Variants in DST observed in about 807,000 individuals in gnomAD.
DST encodes bullous pemphigoid antigen.
A neutral mutation model predicts 875.2 loss-of-function variants in DST; 253 were observed. The ratio of observed to expected loss-of-function variants is 0.29; its 90% CI spans 0.26 to 0.32. The LOEUF (loss-of-function observed/expected upper bound fraction) is 0.32, where lower values mean the gene tolerates loss of function less well. Among genes scored for constraint, DST ranks in the 10% least tolerant of loss-of-function variants. The pLI, the probability that DST is intolerant of heterozygous loss-of-function variation, is 1.00. For synonymous variants in DST, 3,124 were observed against 3,197.1 expected (o/e 0.98, Z 0.77); for missense variants, 8,287 against 9,111.6 (o/e 0.91, Z 3.68).
chr6:56,548,680 A>G (rs926603429), intron 61 of DST, among the ~76,000 whole-genome samples: 5 of 152,196 alleles, frequency 3.3e-5, no homozygotes, highest in African/African-American at 1.2e-4. Flanking sequence ...CATTCCACCA[A>G]TTTATAACAG....
At chr6:56,880,159 T>C (rs544331596) in intron 3 of DST, among the ~76,000 whole-genome samples, 2 of 152,336 alleles carry the variant, frequency 1.3e-5, no homozygotes, top group African/African-American at 4.8e-5. Context: ...CTTCTCACCT[T>C]ACAATTTTCT....
Position 56,608,611 on chromosome 6 carries a change from G to A in DST, c.6017C>T (p.Thr2006Ile), listed in dbSNP as rs781006495. 1.7e-5 allele frequency: 28 copies of A among 1,613,286 alleles called. No individual in the cohort carries two copies. In the South Asian group the frequency reaches 3.0e-4, roughly 17 times the overall value. Reference protein sequence around the residue: ...LINSNSGQRMTVEEAVREGVI... With the variant: ...LINSNSGQRMIVEEAVREGVI... ...CCCTTCTCTGACAGCTTCTTCAACA[G>A]TCATTCTTTGGCCAGAGTTGGAATT... The change falls in exon 40 of 104, where the codon ACT (threonine) becomes ATT (isoleucine). Residue 2006 changes from threonine to isoleucine, a missense_variant. Physicochemically the swap from Thr to Ile is moderately conservative, Grantham distance 89 (BLOSUM62 -1). Transcript: ENST00000680361.
At chr6:56,611,137 T>A (rs1164610006) in intron 38 of DST, among the ~76,000 whole-genome samples, 3 of 152,040 alleles carry the variant, frequency 2.0e-5, no homozygotes, top group African/African-American at 7.2e-5. Flanking sequence ...CTGCCATAGG[T>A]CTCAGCTAAG....
chr6:56,622,594 A>C (rs2098700814), intron 36 of DST, among the ~76,000 whole-genome samples: 1 of 150,700 alleles, frequency 6.6e-6, no homozygotes, highest in Middle Eastern at 3.2e-3. Flanking sequence ...AAAAAAAAAA[A>C]AATCATGTTG....
chr6:56,888,577 A>T (rs964797999), intron 3 of DST, among the ~76,000 whole-genome samples: 10 of 152,202 alleles, frequency 6.6e-5, no homozygotes, highest in Non-Finnish European at 1.3e-4. Context: ...TGAAAAGGAA[A>T]GGGAAAAGGA....
At chr6:56,670,928 A>G in intron 9 of DST, 121 bp from the exon 10 acceptor site, 1 of 553,972 alleles carries the variant, frequency 1.8e-6, no homozygotes, top group Non-Finnish European at 3.0e-6. Flanking sequence ...TTCCCGCTTC[A>G]TGAGATTGTT....
intron 4 of DST, among the ~76,000 whole-genome samples, chr6:56,822,268 G>C (rs1411276979): frequency 6.6e-6 from 1 of 152,138 alleles, no homozygotes; most frequent in Non-Finnish European, 1.5e-5. Context: ...TGAGAAAAGA[G>C]AAATAGACAA....
At chr6:56,810,303 C>A (rs997785000) in intron 4 of DST, among the ~76,000 whole-genome samples, 3 of 151,992 alleles carry the variant, frequency 2.0e-5, no homozygotes, top group Admixed American at 6.6e-5. Context: ...GAGCAAGACT[C>A]CCATCTCTTA....
At chr6:56,510,522 G>A (rs1179227541) in intron 73 of DST, among the ~76,000 whole-genome samples, 1 of 152,046 alleles carries the variant, frequency 6.6e-6, no homozygotes. Flanking sequence ...AGACACATGA[G>A]AGAATGTAAA....
At position 56,635,639 on chromosome 6, in the gene DST, C is replaced by T. The variant is rs1252022646; in HGVS notation, c.3136G>A (p.Asp1046Asn). Residue 1046 changes from aspartate to asparagine, a missense_variant, in exon 24 of 104, where the codon GAT (aspartate) becomes AAT (asparagine). By Grantham distance (23) the Asp-to-Asn change is conservative. This residue lies in a region of DST where 1,160 missense variants were observed against 1,424.3 expected (regional missense o/e 0.81). Transcript: ENST00000680361. ...AGCTTGTGAATGCTGCTTGATCTAT[C>T]ACAGCTGTACTTCCGCTGAATGGCA... The part of the protein sequence containing the change: ...KDAIQRKYSC[D>N]RSSSIHKLED... 1.9e-6 allele frequency: 3 copies of T among 1,613,772 alleles called. No individual in the cohort carries two copies. The African/African-American group carries it at 4.0e-5, about 22-fold the overall frequency.
intron 36 of DST, chr6:56,617,435 T>A: frequency 4.4e-6 from 7 of 1,593,772 alleles, no homozygotes; most frequent in Non-Finnish European, 5.2e-6. Context: ...CAGGAATTTA[T>A]AAAATGTTAA....
At chr6:56,715,310 TA>T (rs1190580226) in intron 5 of DST, among the ~76,000 whole-genome samples, 2 of 152,204 alleles carry the variant, frequency 1.3e-5, no homozygotes, top group Admixed American at 1.3e-4. Flanking sequence ...TGGAGTTAAG[TA>T]AATTGCTTCT....
chr6:56,510,006 C>T, intron 73 of DST, 133 bp from the exon 74 acceptor site: 1 of 731,016 alleles, frequency 1.4e-6, no homozygotes, highest in Non-Finnish European at 2.1e-6. Flanking sequence ...ATCAACAGAC[C>T]CATTCAAAAG....
intron 4 of DST, among the ~76,000 whole-genome samples, chr6:56,845,067 C>T (rs2099805706): frequency 6.6e-6 from 1 of 152,158 alleles, no homozygotes; most frequent in South Asian, 2.1e-4. Flanking sequence ...TTAGCTGCTG[C>T]ACCTACTACT....
chr6:56,494,280 ATC>A (rs1479812315), intron 82 of DST, 100 bp from the exon 83 acceptor site: 2 of 1,143,540 alleles, frequency 1.7e-6, no homozygotes, highest in Non-Finnish European at 2.4e-6. Context: ...TCATATATTC[ATC>A]TCTGTTTGCT....
Position 56,611,384 on chromosome 6 carries a change from T to TAAGTA in DST, c.5147+123_5147+124insTACTT, listed in dbSNP as rs10643818. 269,598 of 676,122 alleles carry TAAGTA rather than the reference T, an allele frequency of 0.4. 55,975 individuals are homozygous for TAAGTA. Among genetic ancestry groups the TAAGTA allele is most frequent in the African/African-American group, 0.54 (29,412 of 54,384 alleles). The allele number at this position is 676,122 out of a possible 1,614,324, so 41.9% of individuals were successfully genotyped here. A position where few individuals can be genotyped will look rare whatever the true frequency, so the allele number is the denominator to read the frequency against. ...GTTGATACTCTTTACATTACTATAT[T>TAAGTA]AATTGTGATTAGTTTGAGTCCCATA... On this transcript the variant is annotated intron_variant, in intron 38 of 103. Coordinates refer to ENST00000680361, the MANE Select transcript of DST (RefSeq NM_001374736.1).
intron 24 of DST, 66 bp from the exon 25 acceptor site, chr6:56,635,019 T>C (rs780334996): frequency 2.1e-5 from 28 of 1,338,830 alleles, no homozygotes; most frequent in Non-Finnish European, 2.8e-5. Flanking sequence ...TTCAGCACTT[T>C]ACACAAATTA....
chr6:56,496,474 G>GTT (rs200493794), intron 82 of DST, among the ~76,000 whole-genome samples: 4 of 146,180 alleles, frequency 2.7e-5, no homozygotes, highest in African/African-American at 7.5e-5. Context: ...AAACAAGGAA[G>GTT]TTTTTTTTTT....
At chr6:56,462,112 C>A (rs546714114) in intron 102 of DST, 1 of 152,140 alleles carries the variant, frequency 6.6e-6, no homozygotes, top group South Asian at 2.1e-4. Context: ...AGGATCCTGG[C>A]CTTTAAGTTA....
Sources: allele counts gnomAD v4.1 joint callset (sites outside exome capture counted in the v4.1 genomes callset), GRCh38; gene constraint gnomAD v4.1.1; regional missense constraint gnomAD v4.1.1; transcripts MANE v1.5; gene names NCBI Gene and HGNC (gene_info 2026-07-23, HGNC 2026-07-21).